The following AFAP1L2 variants were observed in gnomAD, a reference collection of about 807,000 sequenced individuals.
AFAP1L2 encodes the protein actin filament-associated protein 1-like 2.
Under a neutral mutation model 99.3 loss-of-function variants are expected in AFAP1L2, and 46 were observed. The observed-to-expected ratio is 0.46, with a 90% confidence interval of 0.37 to 0.59. The LOEUF is 0.59. Ranked by LOEUF, AFAP1L2 falls within the 20% of genes least tolerant of loss-of-function variation. AFAP1L2 has a pLI of 0.00. For missense variants in AFAP1L2, 959 were observed against 1,034.9 expected, an observed-to-expected ratio of 0.93 and a Z score of 1.01; for synonymous variants, 397 against 419.1, an observed-to-expected ratio of 0.95 and a Z score of 0.64.
chr10:114,337,652 C>A (rs1411694272), intron 2 of AFAP1L2, among the ~76,000 whole-genome samples: 1 of 152,162 alleles, frequency 6.6e-6, no homozygotes, highest in Non-Finnish European at 1.5e-5. Flanking sequence ...ACAAAAAGGT[C>A]ATCCTACAGG....
At chr10:114,353,969 C>T (rs10736232) in intron 1 of AFAP1L2, among the ~76,000 whole-genome samples, 87,349 of 151,908 alleles carry the variant, frequency 0.58, 26,550 homozygotes, top group East Asian at 0.69. Flanking sequence ...GGAGTGCTGA[C>T]GGATTTCAAG....
intron 1 of AFAP1L2, among the ~76,000 whole-genome samples, chr10:114,390,758 A>G (rs2057046407): frequency 6.7e-6 from 1 of 150,110 alleles, no homozygotes; most frequent in Non-Finnish European, 1.5e-5. Context: ...TACCTTCCAG[A>G]CTGGCTGTAC....
At chr10:114,327,147 T>TTATATATATATATATATATA (rs369500918) in intron 4 of AFAP1L2, among the ~76,000 whole-genome samples, 3 of 54,538 alleles carry the variant, frequency 5.5e-5, no homozygotes, top group African/African-American at 8.1e-5. Context: ...TTATATATAT[T>TTATATATATATATATATATA]TATATATATA....
At position 114,315,614 on chromosome 10, in the gene AFAP1L2, C is replaced by T. The variant is rs1279335140; in HGVS notation, c.558G>A (p.Lys186=). Residue 186 remains lysine, a synonymous_variant, in exon 6 of 19, where the codon AAG becomes AAA. Transcript: ENST00000304129. ...ARICAFLWRK[K]WLGQWAKQLC... ...GCTGCTTGGCCCACTGTCCCAGCCA[C>T]TTCTTGCGCCACAGGAAGGCGCAGA... The T allele has an allele frequency of 6.2e-7, 1 of 1,614,178 alleles. No individual in the cohort carries two copies. Among genetic ancestry groups the T allele is most frequent in the Non-Finnish European group, 8.5e-7 (1 of 1,180,026 alleles).
chr10:114,332,404 AG>A (rs2047370763), intron 3 of AFAP1L2, among the ~76,000 whole-genome samples: 1 of 152,208 alleles, frequency 6.6e-6, no homozygotes, highest in African/African-American at 2.4e-5. Flanking sequence ...TTGGAAGGAA[AG>A]GTGCCGAAGA....
At chr10:114,335,591 C>T (rs1182880894) in intron 2 of AFAP1L2, among the ~76,000 whole-genome samples, 1 of 132,388 alleles carries the variant, frequency 7.6e-6, no homozygotes, top group Admixed American at 8.5e-5. Flanking sequence ...CCAGCCTGGT[C>T]AACAGAGCAA....
intron 1 of AFAP1L2, chr10:114,393,646 C>T (rs962879188): frequency 1.1e-4 from 16 of 152,264 alleles, no homozygotes; most frequent in African/African-American, 3.6e-4. Flanking sequence ...GATCTGATCT[C>T]AAAAGCAACA....
chr10:114,300,566 T>C lies in AFAP1L2; in HGVS notation c.1667A>G (p.Gln556Arg). The change falls in exon 14 of 19, where the codon CAG (glutamine) becomes CGG (arginine). Residue 556 changes from glutamine to arginine, a missense_variant. Gln to Arg is a conservative substitution (Grantham distance 43). Around this residue, in one of 2 missense-constraint regions of AFAP1L2, gnomAD observed 576 missense variants for 562.1 expected, o/e 1.02. Transcript: ENST00000304129. The stretch of plus-strand genomic sequence containing the variant: ...GCAGGACAACGTCGGGGAGGAGGCC[T>C]GGGCCTGTGCACTGCTGGGGCCATG... ...FLHGPSSAQAQASSPTLSCLD... is the reference protein window; with the variant it reads ...FLHGPSSAQARASSPTLSCLD... 6.2e-7 allele frequency: 1 copy of C among 1,614,164 alleles called. No homozygotes were observed.
intron 1 of AFAP1L2, among the ~76,000 whole-genome samples, chr10:114,347,182 G>T (rs2136102561): frequency 6.6e-6 from 1 of 152,296 alleles, no homozygotes; most frequent in East Asian, 1.9e-4. Context: ...CCAACTGCTG[G>T]GGAGCAGTCA....
chr10:114,307,682 T>C lies in AFAP1L2; in HGVS notation c.1072+123A>G, dbSNP rs1368232105. On this transcript the variant is annotated intron_variant, in intron 10 of 18. Transcript: ENST00000304129. ...ACGGGAACCTGAGGGCTGCAGGCTC[T>C]CCATTCCTAGAGATGTTTACGGAAG... 9.2e-6 allele frequency: 7 copies of C among 756,950 alleles called. No individual in the cohort carries two copies. The South Asian group carries it at 9.9e-5, about 11-fold the overall frequency. 46.9% of individuals were successfully genotyped at this position (756,950 alleles called of 1,614,324 possible).
chr10:114,388,343 G>A (rs1393364815), intron 1 of AFAP1L2, among the ~76,000 whole-genome samples: 1 of 151,862 alleles, frequency 6.6e-6, no homozygotes, highest in Non-Finnish European at 1.5e-5. Context: ...CCTGGGCCTG[G>A]TTCTCCCCAC....
At chr10:114,401,067 A>G (rs567689537) in intron 1 of AFAP1L2, among the ~76,000 whole-genome samples, 2 of 152,278 alleles carry the variant, frequency 1.3e-5, no homozygotes, top group South Asian at 4.1e-4. Context: ...ATTTTACTGG[A>G]TTGACTCTTT....
intron 16 of AFAP1L2, among the ~76,000 whole-genome samples, chr10:114,298,684 A>G (rs2040632800): frequency 6.6e-6 from 1 of 152,174 alleles, no homozygotes; most frequent in Non-Finnish European, 1.5e-5. Flanking sequence ...CCCCATCTCA[A>G]TATTTTTTTA....
chr10:114,285,094 A>G, the AFAP1L2 span: 5 of 686,716 alleles, frequency 7.3e-6, no homozygotes, highest in African/African-American at 1.9e-5. Context: ...CTGCTTTCCA[A>G]TGCACCACTG....
chr10:114,323,969 A>G (rs1336241541), intron 4 of AFAP1L2, among the ~76,000 whole-genome samples: 2 of 152,226 alleles, frequency 1.3e-5, no homozygotes, highest in African/African-American at 4.8e-5. Context: ...CTTTGCGCCG[A>G]GCCTCAAAGA....
chr10:114,312,330 G>A (rs543667929), intron 7 of AFAP1L2, among the ~76,000 whole-genome samples: 143 of 148,106 alleles, frequency 9.7e-4, no homozygotes, highest in African/African-American at 3.3e-3. Context: ...GTATGCAAAT[G>A]TGCATACATG....
rs1430183772 is a variant in AFAP1L2 at position 114,398,725 on chromosome 10, C to T, written c.16+5715G>A. 11 of 861,094 alleles carry T rather than the reference C, an allele frequency of 1.3e-5. No individual in the cohort carries two copies. In the East Asian group the frequency reaches 1.9e-4, roughly 15 times the overall value. 53.3% of individuals were successfully genotyped at this position (861,094 alleles called of 1,614,324 possible). A position where few individuals can be genotyped will look rare whatever the true frequency, so the allele number is the denominator to read the frequency against. On this transcript the variant is annotated intron_variant, in intron 1 of 18. Transcript: ENST00000304129. The stretch of plus-strand genomic sequence containing the variant: ...ATCCCGAGCCCCTGAGTGCCCAGGC[C>T]GGTGCCCAGCTCCTTGATCTCCCTC...
intron 1 of AFAP1L2, among the ~76,000 whole-genome samples, chr10:114,384,954 T>C (rs2056307984): frequency 1.3e-5 from 2 of 152,114 alleles, no homozygotes; most frequent in Non-Finnish European, 2.9e-5. Flanking sequence ...CTGCAGCACA[T>C]TTTAGGAGCT....
intron 1 of AFAP1L2, among the ~76,000 whole-genome samples, chr10:114,344,232 G>C (rs751526413): frequency 1.8e-4 from 27 of 152,164 alleles, no homozygotes; most frequent in Non-Finnish European, 2.8e-4. Context: ...AGCTATTCAT[G>C]AGTTTCCTGT....
Sources: allele counts gnomAD v4.1 joint callset (sites outside exome capture counted in the v4.1 genomes callset), GRCh38; gene constraint gnomAD v4.1.1; regional missense constraint gnomAD v4.1.1; transcripts MANE v1.5; gene names NCBI Gene and HGNC (gene_info 2026-07-23, HGNC 2026-07-21).